The following RYR3 variants were observed in gnomAD, a reference collection of about 807,000 sequenced individuals.
RYR3 encodes the protein ryanodine receptor 3.
In RYR3, 207 loss-of-function variants were observed where a neutral mutation model predicts 584.3. That is an observed-to-expected ratio of 0.35 (90% confidence interval 0.32 to 0.40). The LOEUF (loss-of-function observed/expected upper bound fraction) is 0.40. Ranked by LOEUF, RYR3 falls within the 10% of genes least tolerant of loss-of-function variation. The probability of loss-of-function intolerance (pLI) is 1.00; values close to 1 mark genes in which losing one functional copy is unlikely to be tolerated. For synonymous variants in RYR3, 2,416 were observed against 2,248.5 expected, an observed-to-expected ratio of 1.07 and a Z score of -2.11; for missense variants, 5,616 against 6,089.2, an observed-to-expected ratio of 0.92 and a Z score of 2.59.
intron 52 of RYR3, among the ~76,000 whole-genome samples, chr15:33,745,297 A>G (rs1285145015): frequency 6.6e-6 from 1 of 151,678 alleles, no homozygotes. Context: ...ACTAGGAGGG[A>G]GTTTCTGCGC....
intron 48 of RYR3, among the ~76,000 whole-genome samples, 197 bp downstream of exon 48, chr15:33,731,891 C>T (rs1437166806): frequency 6.6e-6 from 1 of 152,150 alleles, no homozygotes; most frequent in South Asian, 2.1e-4. Context: ...CTCATCTTTC[C>T]CTTTGGGGGA....
intron 1 of RYR3, among the ~76,000 whole-genome samples, chr15:33,319,472 C>T (rs1050264956): frequency 2.6e-5 from 4 of 152,192 alleles, no homozygotes; most frequent in East Asian, 1.9e-4. Context: ...CTCTTCTGTC[C>T]AGGCTGGCTA....
intron 32 of RYR3, among the ~76,000 whole-genome samples, chr15:33,654,285 C>T (rs1243891734): frequency 6.6e-6 from 1 of 151,988 alleles, no homozygotes; most frequent in African/African-American, 2.4e-5. Context: ...GAGGCCGAGG[C>T]AGACAGATCA....
chr15:33,576,228 C>T (rs376883187), intron 12 of RYR3, among the ~76,000 whole-genome samples: 68 of 152,158 alleles, frequency 4.5e-4, no homozygotes, highest in African/African-American at 1.6e-3. Context: ...GAAACTGTTT[C>T]AAACAATTGA....
At chr15:33,763,892 C>CAAAAACA (rs1555447212) in intron 60 of RYR3, among the ~76,000 whole-genome samples, 7 of 45,870 alleles carry the variant, frequency 1.5e-4, no homozygotes, top group African/African-American at 6.3e-4. Flanking sequence ...GACTTCATCT[C>CAAAAACA]AAAAAAAAAA....
chr15:33,770,618 C>T (rs1460841134), intron 62 of RYR3, among the ~76,000 whole-genome samples: 4 of 152,028 alleles, frequency 2.6e-5, no homozygotes, highest in Non-Finnish European at 5.9e-5. Flanking sequence ...GACATGATGG[C>T]ACATGCCTGT....
intron 67 of RYR3, among the ~76,000 whole-genome samples, chr15:33,796,936 G>A (rs1178219749): frequency 2.0e-5 from 3 of 152,124 alleles, no homozygotes; most frequent in African/African-American, 7.2e-5. Context: ...TGATTAAAAG[G>A]ACAAAATCGT....
chr15:33,856,326 T>C (rs142975784), intron 98 of RYR3: 1 of 152,444 alleles, frequency 6.6e-6, no homozygotes, highest in East Asian at 1.9e-4. Flanking sequence ...CTCCCTTTTG[T>C]GTGGCTCCTT....
intron 10 of RYR3, among the ~76,000 whole-genome samples, chr15:33,553,295 A>G (rs2056821484): frequency 6.6e-6 from 1 of 152,122 alleles, no homozygotes; most frequent in Non-Finnish European, 1.5e-5. Context: ...TCATTTGGTA[A>G]TGACGAGCTT....
chr15:33,774,786 A>G (rs62010987), intron 64 of RYR3, among the ~76,000 whole-genome samples: 32,108 of 152,174 alleles, frequency 0.21, 4,090 homozygotes, highest in Non-Finnish European at 0.28. Flanking sequence ...TAGGATAGGA[A>G]CTGGGCAGAC....
chr15:33,746,114 A>G lies in RYR3; in HGVS notation c.7946A>G (p.Lys2649Arg). Residue 2649 changes from lysine (K) to arginine (R), a missense_variant, in exon 53 of 104, where the codon AAG becomes AGG. Physicochemically the swap from Lys to Arg is conservative, Grantham distance 26 (BLOSUM62 2). Coordinates refer to ENST00000634891, the MANE Select transcript of RYR3 (RefSeq NM_001036.6). ...GGGATTTCCCTGGATGAAAATGTGA[A>G]GACCCACCCACTGATAAGGCCTTTC... is the stretch of plus-strand genomic sequence containing the variant. The part of the protein sequence containing the change: ...KYGISLDENV[K>R]THPLIRPFKT... 6.2e-7 allele frequency: 1 copy of G among 1,601,380 alleles called. No individual in the cohort carries two copies. The highest frequency in any genetic ancestry group is 8.5e-7 in the Non-Finnish European group (1 of 1,173,964).
intron 27 of RYR3, among the ~76,000 whole-genome samples, chr15:33,642,279 C>A (rs1022544946): frequency 6.6e-6 from 1 of 152,190 alleles, no homozygotes; most frequent in African/African-American, 2.4e-5. Context: ...ATTGCACCAT[C>A]CAGGTTCATG....
At chr15:33,357,392 G>T (rs1021371094) in intron 1 of RYR3, among the ~76,000 whole-genome samples, 1 of 152,106 alleles carries the variant, frequency 6.6e-6, no homozygotes, top group African/African-American at 2.4e-5. Context: ...CACAACCTGG[G>T]TATCACTCTC....
intron 47 of RYR3, among the ~76,000 whole-genome samples, chr15:33,729,269 G>T (rs1050130436): frequency 6.6e-6 from 1 of 152,106 alleles, no homozygotes; most frequent in Admixed American, 6.5e-5. Flanking sequence ...AACCTTGACA[G>T]TAAATGTTAA....
chr15:33,829,767 A>T (rs1432783681), intron 85 of RYR3, among the ~76,000 whole-genome samples: 1 of 146,058 alleles, frequency 6.8e-6, no homozygotes, highest in East Asian at 1.9e-4. Flanking sequence ...AAAAAAAAAA[A>T]AATTTTGATT....
At chr15:33,551,749 CA>C (rs3838861) in intron 10 of RYR3, among the ~76,000 whole-genome samples, 22,928 of 152,060 alleles carry the variant, frequency 0.15, 4,165 homozygotes, top group African/African-American at 0.44. Flanking sequence ...ACTTTGCTAT[CA>C]TTTTTTTTTA....
intron 29 of RYR3, 124 bp from the exon 30 acceptor site, chr15:33,647,300 T>C (rs531559586): frequency 8.8e-5 from 63 of 713,908 alleles, no homozygotes; most frequent in Non-Finnish European, 1.4e-4. Context: ...CAATCACTTG[T>C]GTTTAGGGAG....
intron 60 of RYR3, among the ~76,000 whole-genome samples, chr15:33,764,857 C>A (rs1051256387): frequency 2.0e-5 from 3 of 151,760 alleles, no homozygotes; most frequent in African/African-American, 7.3e-5. Flanking sequence ...ATGGTGAAAC[C>A]CCATCTCTAC....
At chr15:33,681,434 C>T (rs2064605107) in intron 38 of RYR3, among the ~76,000 whole-genome samples, 1 of 152,182 alleles carries the variant, frequency 6.6e-6, no homozygotes, top group Admixed American at 6.5e-5. Flanking sequence ...ATGCCTTTCC[C>T]AGCTTCTTCA....
Sources: gnomAD v4.1 joint callset for allele counts (sites outside exome capture counted in the v4.1 genomes callset) on GRCh38, gnomAD v4.1.1 for gene constraint, MANE v1.5 for transcripts, NCBI Gene and HGNC (gene_info 2026-07-23, HGNC 2026-07-21) for gene names.